PKHD1: variants seen among roughly 807,000 people sequenced by gnomAD.
PKHD1 encodes PKHD1 ciliary IPT domain containing fibrocystin/polyductin, also known as fibrocystin.
In PKHD1, 291 loss-of-function variants were observed where a neutral mutation model predicts 412.0. That is an observed-to-expected ratio of 0.71 (90% CI 0.64 to 0.78). The LOEUF (loss-of-function observed/expected upper bound fraction) is 0.78. PKHD1 is among the 30% of genes least tolerant of loss of function. The probability of loss-of-function intolerance (pLI) is 0.00; values close to 1 mark genes in which losing one functional copy is unlikely to be tolerated. For missense variants in PKHD1, 4,825 were observed against 4,950.7 expected (o/e 0.97, Z 0.76); for synonymous variants, 1,777 against 1,821.5 (o/e 0.98, Z 0.62).
At chr6:51,620,793 T>TAC (rs1478336493) in intron 66 of PKHD1, among the ~76,000 whole-genome samples, 13 of 145,758 alleles carry the variant, frequency 8.9e-5, no homozygotes, top group Middle Eastern at 3.6e-3. Context: ...TATACATATA[T>TAC]ATATATGTAT....
chr6:51,809,386 G>A (rs1764336691), intron 52 of PKHD1, among the ~76,000 whole-genome samples: 1 of 151,774 alleles, frequency 6.6e-6, no homozygotes, highest in Non-Finnish European at 1.5e-5. Flanking sequence ...GTCTGTTTCT[G>A]GACTCTATTT....
At chr6:52,010,537 G>T (rs750533602) in intron 34 of PKHD1, 78 bp from the exon 35 acceptor site, 6 of 1,248,946 alleles carry the variant, frequency 4.8e-6, no homozygotes, top group Non-Finnish European at 7.1e-6. Flanking sequence ...ATTAATCATT[G>T]CAAGCCATTA....
chr6:51,940,701 C>T (rs2499464), intron 36 of PKHD1, among the ~76,000 whole-genome samples: 2,929 of 151,626 alleles, frequency 0.019, 114 homozygotes, highest in African/African-American at 0.065. Flanking sequence ...CCATCGCAGA[C>T]GCTCTGGGTA....
chr6:51,740,634 A>C lies in PKHD1; in HGVS notation c.10156+3751T>G, dbSNP rs144248148. Reference sequence around the variant, plus strand: ...TACAAAATAGTCATTAATTATCCTAAGATTAAATCTGTGCTTTTTTCATCC... The same window carrying C: ...TACAAAATAGTCATTAATTATCCTACGATTAAATCTGTGCTTTTTTCATCC... On this transcript the variant is annotated intron_variant, in intron 60 of 66. Coordinates refer to ENST00000371117, the MANE Select transcript of PKHD1 (RefSeq NM_138694.4). 4.6e-5 allele frequency among the ~76,000 whole-genome samples: 7 copies of C among 152,346 alleles called. No individual in the cohort carries two copies. The East Asian group carries it at 1.2e-3, about 25-fold the overall frequency.
chr6:51,845,029 A>C (rs1582999064), intron 50 of PKHD1, among the ~76,000 whole-genome samples: 1 of 152,324 alleles, frequency 6.6e-6, no homozygotes, highest in East Asian at 1.9e-4. Context: ...CTATAAAGTC[A>C]AGTGGTCTGA....
intron 27 of PKHD1, among the ~76,000 whole-genome samples, chr6:52,038,045 A>G (rs1275664886): frequency 6.6e-6 from 1 of 152,186 alleles, no homozygotes; most frequent in Non-Finnish European, 1.5e-5. Flanking sequence ...TCACACTAAA[A>G]AAAAGATAAG....
Position 51,619,025 on chromosome 6 carries a change from T to C in PKHD1, c.*56A>G, listed in dbSNP as rs1766279102. The C allele has an allele frequency of 1.3e-6, 2 of 1,505,838 alleles. No individual in the cohort carries two copies. The highest frequency in any genetic ancestry group is 1.8e-6 in the Non-Finnish European group (2 of 1,082,626). 93.3% of individuals were successfully genotyped at this position (1,505,838 alleles called of 1,614,324 possible). On this transcript the variant is annotated 3_prime_UTR_variant, in exon 67 of 67. Transcript: ENST00000371117. ...CAGTCCTCACTTCCCCAGCTTATTA[T>C]CCAGAAATACTGGGAACATTCTGCC...
intron 60 of PKHD1, among the ~76,000 whole-genome samples, chr6:51,708,302 A>G (rs79245158): frequency 0.016 from 2,425 of 152,260 alleles, 64 homozygotes; most frequent in African/African-American, 0.055. Context: ...TCTCACTGGA[A>G]TCCATGTATT....
chr6:51,950,215 A>AT (rs1790109889), intron 36 of PKHD1, among the ~76,000 whole-genome samples: 2 of 120,228 alleles, frequency 1.7e-5, no homozygotes, highest in African/African-American at 3.4e-5. Context: ...ATAGAGAAAA[A>AT]AAAAAATATA....
chr6:52,000,589 T>C (rs1798250465), intron 35 of PKHD1, among the ~76,000 whole-genome samples: 2 of 152,226 alleles, frequency 1.3e-5, no homozygotes, highest in South Asian at 4.1e-4. Context: ...TGTCTGTCAT[T>C]CATAGGGACA....
At chr6:51,837,376 T>C (rs1337429580) in intron 50 of PKHD1, among the ~76,000 whole-genome samples, 1 of 152,138 alleles carries the variant, frequency 6.6e-6, no homozygotes, top group African/African-American at 2.4e-5. Context: ...CTTTCCTCCA[T>C]CAGATGAAAT....
chr6:51,800,613 G>T (rs745623531), intron 52 of PKHD1, among the ~76,000 whole-genome samples: 1 of 152,204 alleles, frequency 6.6e-6, no homozygotes, highest in Non-Finnish European at 1.5e-5. Flanking sequence ...GGTCACTATT[G>T]TGTAGCATTC....
chr6:51,864,185 G>C (rs1774665852), intron 48 of PKHD1, among the ~76,000 whole-genome samples: 1 of 152,144 alleles, frequency 6.6e-6, no homozygotes, highest in South Asian at 2.1e-4. Flanking sequence ...ATGCAGGAAA[G>C]GTAGAGCAGA....
chr6:51,931,705 T>A (rs1223404118), intron 37 of PKHD1, among the ~76,000 whole-genome samples: 1 of 152,310 alleles, frequency 6.6e-6, no homozygotes. Flanking sequence ...TTTGCCTGTG[T>A]TCAATGGGCA....
At chr6:51,913,901 T>C (rs1583339357) in intron 37 of PKHD1, among the ~76,000 whole-genome samples, 1 of 152,172 alleles carries the variant, frequency 6.6e-6, no homozygotes, top group East Asian at 1.9e-4. Flanking sequence ...AAGACATAAA[T>C]CATCCCAAAA....
chr6:51,836,920 C>G (rs1024558694), intron 50 of PKHD1, among the ~76,000 whole-genome samples: 1 of 152,134 alleles, frequency 6.6e-6, no homozygotes, highest in Non-Finnish European at 1.5e-5. Context: ...TTTAATGAAG[C>G]CTTTTCCCCA....
chr6:52,056,594 T>C, intron 18 of PKHD1, 104 bp downstream of exon 18: 1 of 915,092 alleles, frequency 1.1e-6, no homozygotes, highest in Admixed American at 1.8e-5. Flanking sequence ...ATTTTTTTTT[T>C]ACTCTGTTAT....
At position 51,919,934 on chromosome 6, in the gene PKHD1, T is replaced by C. The variant is rs563528947; in HGVS notation, c.6122-7358A>G. Among the ~76,000 whole-genome samples, 11 of 152,378 alleles carry C rather than the reference T, an allele frequency of 7.2e-5. No individual in the cohort carries two copies. In the South Asian group the frequency reaches 1.9e-3, roughly 26 times the overall value. ...CACTCATGATTTGGTTCTTTGTCTG[T>C]TATTGGTGTATAAGAATGCTTGTGA... On this transcript the variant is annotated intron_variant, in intron 37 of 66. Coordinates refer to ENST00000371117, the MANE Select transcript of PKHD1 (RefSeq NM_138694.4).
At chr6:51,833,198 G>T (rs1353995009) in intron 51 of PKHD1, among the ~76,000 whole-genome samples, 1 of 152,046 alleles carries the variant, frequency 6.6e-6, no homozygotes, top group African/African-American at 2.4e-5. Flanking sequence ...CCAAGCTTCA[G>T]GAATCTTTAG....
Sources: gnomAD v4.1 joint callset for allele counts (sites outside exome capture counted in the v4.1 genomes callset) on GRCh38, gnomAD v4.1.1 for gene constraint, MANE v1.5 for transcripts, NCBI Gene and HGNC (gene_info 2026-07-23, HGNC 2026-07-21) for gene names.